SLC24A3: variants seen among roughly 807,000 people sequenced by gnomAD.
SLC24A3 encodes the protein solute carrier family 24 member 3, also known as sodium/potassium/calcium exchanger 3.
In SLC24A3, 28 loss-of-function variants were observed where a neutral mutation model predicts 75.8. The ratio of observed to expected loss-of-function variants is 0.37; its 90% CI spans 0.27 to 0.51. SLC24A3 has a LOEUF of 0.51. Among genes scored for constraint, SLC24A3 ranks in the 20% least tolerant of loss-of-function variants. The probability of loss-of-function intolerance (pLI) is 0.94; values close to 1 mark genes in which losing one functional copy is unlikely to be tolerated. For missense variants in SLC24A3, 663 were observed against 847.8 expected (o/e 0.78, Z 2.71); for synonymous variants, 372 against 334.1 (o/e 1.11, Z -1.24).
intron 2 of SLC24A3, among the ~76,000 whole-genome samples, chr20:19,388,110 C>A (rs2122383917): frequency 6.6e-6 from 1 of 152,186 alleles, no homozygotes; most frequent in South Asian, 2.1e-4. Context: ...TCTAATTACG[C>A]TGTTAGTTAT....
intron 9 of SLC24A3, among the ~76,000 whole-genome samples, chr20:19,674,925 C>T (rs767278404): frequency 7.2e-5 from 11 of 152,154 alleles, no homozygotes; most frequent in African/African-American, 1.9e-4. Context: ...TGGTGGCGTG[C>T]GCCTGTAATC....
rs553256246 is a variant in SLC24A3, at chr20:19,271,348, G to A, written c.143-9611G>A. 3.3e-5 allele frequency among the ~76,000 whole-genome samples: 5 copies of A among 152,176 alleles called. No homozygotes were observed. In the South Asian group the frequency reaches 8.3e-4, roughly 25 times the overall value. ...AAAATAAAAAAAAAAAAAGATGTTG[G>A]TGTGGATGTGGTGAAAGGGAACACT... On this transcript the variant is annotated intron_variant, in intron 1 of 16. Transcript: ENST00000328041.
intron 15 of SLC24A3, 61 bp downstream of exon 15, chr20:19,698,741 G>A: frequency 7.7e-7 from 1 of 1,303,146 alleles, no homozygotes; most frequent in Non-Finnish European, 1.1e-6. Flanking sequence ...TGTTTTAACA[G>A]CCTTGGCCAC....
chr20:19,308,601 AC>A (rs1984383291), intron 2 of SLC24A3, among the ~76,000 whole-genome samples: 1 of 152,208 alleles, frequency 6.6e-6, no homozygotes, highest in African/African-American at 2.4e-5. Flanking sequence ...TAGATTCTAT[AC>A]TTGATGCACT....
At chr20:19,689,113 A>T (rs969777081) in intron 12 of SLC24A3, among the ~76,000 whole-genome samples, 3 of 152,236 alleles carry the variant, frequency 2.0e-5, no homozygotes, top group Non-Finnish European at 4.4e-5. Flanking sequence ...GTAGGTAAAC[A>T]CATTTCCATG....
At chr20:19,333,936 A>G (rs6112315) in intron 2 of SLC24A3, among the ~76,000 whole-genome samples, 47,246 of 151,934 alleles carry the variant, frequency 0.31, 7,870 homozygotes, top group Middle Eastern at 0.52. Flanking sequence ...AAGACAAGAA[A>G]AGACATGGTT....
chr20:19,243,200 G>T (rs1194599659), intron 1 of SLC24A3, among the ~76,000 whole-genome samples: 1 of 152,182 alleles, frequency 6.6e-6, no homozygotes, highest in Admixed American at 6.5e-5. Flanking sequence ...TAGAAAGTAT[G>T]ATTTATAAGA....
At chr20:19,635,287 C>G (rs960454704) in intron 6 of SLC24A3, among the ~76,000 whole-genome samples, 2 of 152,044 alleles carry the variant, frequency 1.3e-5, no homozygotes, top group African/African-American at 4.8e-5. Context: ...TTGTATTGAT[C>G]CAGAGTATGG....
chr20:19,218,653 A>G (rs1377165380), intron 1 of SLC24A3, among the ~76,000 whole-genome samples: 1 of 151,186 alleles, frequency 6.6e-6, no homozygotes, highest in East Asian at 1.9e-4. Context: ...ATTTTTCTCA[A>G]AGATTTCCTC....
chr20:19,379,717 C>G (rs1415532572), intron 2 of SLC24A3, among the ~76,000 whole-genome samples: 1 of 152,206 alleles, frequency 6.6e-6, no homozygotes, highest in Non-Finnish European at 1.5e-5. Context: ...CCTCCTCCCT[C>G]CAGGCCACTG....
At chr20:19,464,758 G>A (rs945330967) in intron 2 of SLC24A3, among the ~76,000 whole-genome samples, 2 of 152,218 alleles carry the variant, frequency 1.3e-5, no homozygotes, top group Non-Finnish European at 2.9e-5. Context: ...AAAGGAGTGA[G>A]TATGCCCATT....
At chr20:19,658,121 T>C (rs976314650) in intron 7 of SLC24A3, among the ~76,000 whole-genome samples, 3 of 152,158 alleles carry the variant, frequency 2.0e-5, no homozygotes, top group African/African-American at 7.2e-5. Flanking sequence ...GACCAGATGC[T>C]GTTCTGTGTA....
intron 3 of SLC24A3, among the ~76,000 whole-genome samples, chr20:19,544,001 G>A (rs1600273897): frequency 6.6e-6 from 1 of 152,232 alleles, no homozygotes; most frequent in East Asian, 1.9e-4. Flanking sequence ...TTCTTTGTCA[G>A]GTGAAGAGTT....
At chr20:19,368,431 C>T (rs1330741392) in intron 2 of SLC24A3, among the ~76,000 whole-genome samples, 3 of 152,206 alleles carry the variant, frequency 2.0e-5, no homozygotes, top group Admixed American at 2.0e-4. Flanking sequence ...CTTCATGGTC[C>T]TCCTCAGCAC....
chr20:19,680,311 C>A (rs1001051499), intron 9 of SLC24A3, among the ~76,000 whole-genome samples: 1 of 152,160 alleles, frequency 6.6e-6, no homozygotes, highest in African/African-American at 2.4e-5. Context: ...GCAATCTGTT[C>A]CCTTGGCCTA....
intron 2 of SLC24A3, among the ~76,000 whole-genome samples, chr20:19,375,639 C>T (rs935740509): frequency 1.3e-5 from 2 of 152,178 alleles, no homozygotes; most frequent in Admixed American, 6.5e-5. Flanking sequence ...TGTTGTAAAT[C>T]TTGGGAAGTG....
At chr20:19,431,696 A>G (rs1186338994) in intron 2 of SLC24A3, among the ~76,000 whole-genome samples, 1 of 150,856 alleles carries the variant, frequency 6.6e-6, no homozygotes. Flanking sequence ...AAAATCAACA[A>G]TTCACTCAAG....
Position 19,263,749 on chromosome 20 carries a change from T to A in SLC24A3, c.143-17210T>A, listed in dbSNP as rs557151061. ...CTATTCTCCTATTGCTGGTTTCAGT[T>A]CCAACTTGGAAAGTTGCAAGCAATG... On this transcript the variant is annotated intron_variant, in intron 1 of 16. Coordinates refer to ENST00000328041, the MANE Select transcript of SLC24A3 (RefSeq NM_020689.4). Among the ~76,000 whole-genome samples the A allele has an allele frequency of 2.6e-5, 4 of 152,300 alleles. No homozygotes were observed. In the South Asian group the frequency reaches 6.2e-4, roughly 24 times the overall value.
At chr20:19,252,643 C>CGGGGGT (rs1555783962) in intron 1 of SLC24A3, among the ~76,000 whole-genome samples, 56 of 133,448 alleles carry the variant, frequency 4.2e-4, no homozygotes, top group African/African-American at 1.3e-3. Context: ...ATTGGAATGG[C>CGGGGGT]GGGGGGGGGT....
Sources: gnomAD v4.1 joint callset for allele counts (sites outside exome capture counted in the v4.1 genomes callset) on GRCh38, gnomAD v4.1.1 for gene constraint, MANE v1.5 for transcripts, NCBI Gene and HGNC (gene_info 2026-07-23, HGNC 2026-07-21) for gene names.